Variants in CSMD1 observed in about 807,000 individuals in gnomAD.
CSMD1 encodes CUB and Sushi multiple domains 1.
In CSMD1, 213 loss-of-function variants were observed where a neutral mutation model predicts 417.5. That is an observed-to-expected ratio of 0.51 (90% CI 0.46 to 0.57). The LOEUF (loss-of-function observed/expected upper bound fraction) is 0.57. Among genes scored for constraint, CSMD1 ranks in the 20% least tolerant of loss-of-function variants. The probability of loss-of-function intolerance (pLI) is 0.00; values close to 1 mark genes in which losing one functional copy is unlikely to be tolerated. For synonymous variants in CSMD1, 2,862 were observed against 1,736.8 expected (o/e 1.65, Z -16.11); for missense variants, 6,923 against 4,529.7 (o/e 1.53, Z -15.17).
intron 3 of CSMD1, among the ~76,000 whole-genome samples, chr8:4,161,516 C>A (rs563091266): frequency 2.0e-5 from 3 of 152,252 alleles, no homozygotes; most frequent in Non-Finnish European, 4.4e-5. Flanking sequence ...TGAACCCAAG[C>A]TGAACACGCA....
chr8:3,749,729 G>GC (rs1563338335), intron 6 of CSMD1, among the ~76,000 whole-genome samples: 1 of 151,262 alleles, frequency 6.6e-6, no homozygotes, highest in African/African-American at 2.4e-5. Flanking sequence ...TACGGTTTAT[G>GC]TTTTTTTTTC....
At chr8:3,838,304 G>A (rs1050826499) in intron 5 of CSMD1, among the ~76,000 whole-genome samples, 1 of 151,952 alleles carries the variant, frequency 6.6e-6, no homozygotes, top group Admixed American at 6.6e-5. Context: ...TGGGAGGCAA[G>A]GCAGGAGGAT....
chr8:3,578,406 C>G (rs564895226), intron 9 of CSMD1, among the ~76,000 whole-genome samples: 37 of 152,202 alleles, frequency 2.4e-4, no homozygotes, highest in African/African-American at 8.4e-4. Flanking sequence ...GGCACAGCAG[C>G]CTGCGAGGCA....
intron 5 of CSMD1, among the ~76,000 whole-genome samples, chr8:3,803,186 A>C (rs911670053): frequency 7.9e-5 from 12 of 152,226 alleles, no homozygotes; most frequent in Admixed American, 5.2e-4. Context: ...AAAATCATTC[A>C]TTTGTTCAGA....
chr8:3,764,059 G>A (rs577740452), intron 5 of CSMD1, among the ~76,000 whole-genome samples: 3 of 152,242 alleles, frequency 2.0e-5, no homozygotes, highest in East Asian at 1.9e-4. Context: ...ATTTCTGGAG[G>A]CCACAGGCTC....
chr8:3,759,036 T>C (rs919265841), intron 5 of CSMD1, among the ~76,000 whole-genome samples: 1 of 152,190 alleles, frequency 6.6e-6, no homozygotes, highest in African/African-American at 2.4e-5. Context: ...CCTTTTCCCA[T>C]AGAGTCTCCA....
At chr8:3,877,454 G>T (rs1319180309) in intron 5 of CSMD1, among the ~76,000 whole-genome samples, 1 of 152,150 alleles carries the variant, frequency 6.6e-6, no homozygotes, top group Admixed American at 6.5e-5. Flanking sequence ...TCTTAATCTA[G>T]CAGGCCCTAC....
intron 1 of CSMD1, among the ~76,000 whole-genome samples, chr8:4,806,710 G>A (rs958155878): frequency 9.2e-5 from 14 of 152,190 alleles, no homozygotes; most frequent in African/African-American, 3.1e-4. Flanking sequence ...TGTAGAGTAT[G>A]CTTTGTTGAG....
chr8:4,871,210 AG>A (rs1257532316), intron 1 of CSMD1, among the ~76,000 whole-genome samples: 1 of 152,178 alleles, frequency 6.6e-6, no homozygotes, highest in Admixed American at 6.5e-5. Context: ...TTTTGTTCTA[AG>A]AAAGGAAGTG....
intron 11 of CSMD1, among the ~76,000 whole-genome samples, chr8:3,480,936 C>T (rs1402585055): frequency 6.6e-6 from 1 of 151,834 alleles, no homozygotes; most frequent in East Asian, 1.9e-4. Flanking sequence ...GTGAGCGGAT[C>T]ACAAGGTCAG....
At chr8:4,634,836 A>G (rs989852366) in intron 2 of CSMD1, among the ~76,000 whole-genome samples, 15 of 152,114 alleles carry the variant, frequency 9.9e-5, no homozygotes, top group Admixed American at 8.5e-4. Flanking sequence ...ACCCATTCCA[A>G]TTTCACATCT....
chr8:4,946,536 G>C (rs1808380829), intron 1 of CSMD1, among the ~76,000 whole-genome samples: 1 of 152,126 alleles, frequency 6.6e-6, no homozygotes, highest in African/African-American at 2.4e-5. Context: ...AACCAGGCCT[G>C]AAGCATGTCC....
intron 26 of CSMD1, among the ~76,000 whole-genome samples, chr8:3,261,636 C>T (rs899992936): frequency 6.6e-6 from 1 of 152,150 alleles, no homozygotes; most frequent in Non-Finnish European, 1.5e-5. Context: ...CAACTGCTGC[C>T]TCCATTCCCT....
intron 1 of CSMD1, among the ~76,000 whole-genome samples, chr8:4,942,707 C>T (rs1808091401): frequency 6.6e-6 from 1 of 152,084 alleles, no homozygotes; most frequent in Non-Finnish European, 1.5e-5. Context: ...TTGGCAGACA[C>T]AGAATCAGTG....
intron 3 of CSMD1, among the ~76,000 whole-genome samples, chr8:4,119,798 T>G (rs1160362655): frequency 2.0e-5 from 3 of 152,158 alleles, no homozygotes; most frequent in African/African-American, 7.2e-5. Context: ...TAACAAAACG[T>G]TCTACGATGC....
chr8:4,729,985 C>T (rs1347236972), intron 1 of CSMD1, among the ~76,000 whole-genome samples: 1 of 152,110 alleles, frequency 6.6e-6, no homozygotes, highest in Non-Finnish European at 1.5e-5. Flanking sequence ...ATCACTTCTC[C>T]TCTCCCGATT....
intron 1 of CSMD1, among the ~76,000 whole-genome samples, chr8:4,823,855 G>C (rs545632240): frequency 5.1e-4 from 77 of 152,034 alleles, no homozygotes; most frequent in African/African-American, 1.7e-3. Flanking sequence ...AGGCTTGAGA[G>C]AATAAAAGGA....
At chr8:4,861,780 C>A (rs1421177465) in intron 1 of CSMD1, among the ~76,000 whole-genome samples, 1 of 151,888 alleles carries the variant, frequency 6.6e-6, no homozygotes, top group African/African-American at 2.4e-5. Context: ...AGATATAAAG[C>A]TCTAAATAAC....
intron 23 of CSMD1, among the ~76,000 whole-genome samples, chr8:3,320,071 G>A (rs73503745): frequency 0.015 from 2,213 of 152,216 alleles, 56 homozygotes; most frequent in African/African-American, 0.05. Flanking sequence ...CCAGCATAGA[G>A]GGGCTGCCAC....
Sources: allele counts gnomAD v4.1 joint callset (sites outside exome capture counted in the v4.1 genomes callset), GRCh38; gene constraint gnomAD v4.1.1; transcripts MANE v1.5; gene names NCBI Gene and HGNC (gene_info 2026-07-23, HGNC 2026-07-21).